The following ESCO1 variants were observed in gnomAD, a reference collection of about 807,000 sequenced individuals.
ESCO1 encodes the protein N-acetyltransferase ESCO1.
A neutral mutation model predicts 83.5 loss-of-function variants in ESCO1; 33 were observed. The observed-to-expected ratio is 0.40, with a 90% CI of 0.30 to 0.53. The LOEUF is 0.53. Ranked by LOEUF, ESCO1 falls within the 20% of genes least tolerant of loss-of-function variation. The probability of loss-of-function intolerance (pLI) is 0.63; values close to 1 mark genes in which losing one functional copy is unlikely to be tolerated. For synonymous variants in ESCO1, 332 were observed against 324.3 expected, an observed-to-expected ratio of 1.02 and a Z score of -0.25; for missense variants, 855 against 968.0, an observed-to-expected ratio of 0.88 and a Z score of 1.55.
At chr18:21,599,863 AC>A (rs1466214872) in intron 1 of ESCO1, among the ~76,000 whole-genome samples, 3 of 152,072 alleles carry the variant, frequency 2.0e-5, no homozygotes, top group Non-Finnish European at 4.4e-5. Context: ...TGCAAAATAA[AC>A]CCCCATAGTA....
chr18:21,587,998 AG>A (rs1438185962), intron 1 of ESCO1, among the ~76,000 whole-genome samples: 4 of 151,652 alleles, frequency 2.6e-5, no homozygotes, highest in Non-Finnish European at 5.9e-5. Flanking sequence ...CTCATGTGAG[AG>A]GATCACTTGA....
chr18:21,549,969 A>G (rs1024045306), intron 8 of ESCO1, among the ~76,000 whole-genome samples: 1 of 152,096 alleles, frequency 6.6e-6, no homozygotes, highest in African/African-American at 2.4e-5. Context: ...TCTCCAAAAA[A>G]AAAAAAAAGA....
intron 8 of ESCO1, chr18:21,540,491 G>C: frequency 9.3e-7 from 1 of 1,071,798 alleles, no homozygotes; most frequent in Non-Finnish European, 1.2e-6. Context: ...TTTGCATGCA[G>C]TAGCCCAGTA....
rs572555950 is a variant in ESCO1 at position 21,534,704 on chromosome 18, T to C, written c.2187+1338A>G. ...GTTCAGTGGCATGATATTAGCTCAC[T>C]GCAACCTCTGCCTCCCAGGTTCAAG... On this transcript the variant is annotated intron_variant, in intron 10 of 11. Transcript: ENST00000269214. Among the ~76,000 whole-genome samples the C allele has an allele frequency of 7.2e-4, 109 of 151,488 alleles. 1 individual carries two copies. Among genetic ancestry groups the C allele is most frequent in the African/African-American group, 2.4e-3 (98 of 41,266 alleles).
rs377280748 is a variant in ESCO1 at position 21,539,869 on chromosome 18, A to G, written c.2043+51T>C. 70 of 1,496,216 alleles carry G rather than the reference A, an allele frequency of 4.7e-5. No individual in the cohort carries two copies. In the African/African-American group the frequency reaches 8.9e-4, roughly 19 times the overall value. 92.7% of individuals were successfully genotyped at this position (1,496,216 alleles called of 1,614,324 possible). On this transcript the variant is annotated intron_variant, in intron 9 of 11. Transcript: ENST00000269214. Reference sequence around the variant, plus strand: ...TCTCAGGGTAAAAAAAAAAAAAATTAACTGCAAAATGATATTATCCACTCT... The same window carrying G: ...TCTCAGGGTAAAAAAAAAAAAAATTGACTGCAAAATGATATTATCCACTCT...
Position 21,529,418 on chromosome 18 carries a change from G to A in ESCO1, c.*925C>T, listed in dbSNP as rs1019475549. The A allele has an allele frequency of 2.6e-5, 4 of 152,310 alleles. No homozygotes were observed. The highest frequency in any genetic ancestry group is 1.9e-4 in the East Asian group (1 of 5,194). The allele number at this position is 152,310 out of a possible 1,614,324, so 9.4% of individuals were successfully genotyped here. On this transcript the variant is annotated 3_prime_UTR_variant, in exon 12 of 12. Transcript: ENST00000269214. ...CTTTAAAAGTAGAGGGCACTATGAA[G>A]GATAGACAAGTATCAAAATGAAGTC...
intron 5 of ESCO1, among the ~76,000 whole-genome samples, chr18:21,566,718 G>C (rs1193819789): frequency 6.6e-6 from 1 of 152,006 alleles, no homozygotes; most frequent in African/African-American, 2.4e-5. Context: ...AAATAAGCCG[G>C]GTGTGGTGAT....
At chr18:21,561,643 G>GTCTTGAAC (rs1213930755) in intron 7 of ESCO1, among the ~76,000 whole-genome samples, 1 of 152,148 alleles carries the variant, frequency 6.6e-6, no homozygotes, top group Non-Finnish European at 1.5e-5. Flanking sequence ...GACCAGGTTG[G>GTCTTGAAC]TCTTGAACTC....
intron 8 of ESCO1, among the ~76,000 whole-genome samples, chr18:21,543,422 T>A (rs1447832009): frequency 6.6e-6 from 1 of 152,176 alleles, no homozygotes; most frequent in Non-Finnish European, 1.5e-5. Flanking sequence ...CCTTCCAAAG[T>A]GTTGGGATTA....
intron 4 of ESCO1, among the ~76,000 whole-genome samples, chr18:21,569,042 C>G (rs907760624): frequency 6.6e-6 from 1 of 152,182 alleles, no homozygotes. Context: ...TAGTGCTGAT[C>G]CAGAATACCT....
intron 11 of ESCO1, 146 bp downstream of exon 11, chr18:21,532,322 ACAGAT>A (rs773031781): frequency 2.4e-4 from 173 of 706,692 alleles, no homozygotes; most frequent in Admixed American, 4.5e-4. Context: ...AAAAGTACTT[ACAGAT>A]CCAATACACT....
chr18:21,571,011 C>T (rs527626288), intron 4 of ESCO1, among the ~76,000 whole-genome samples: 1 of 151,854 alleles, frequency 6.6e-6, no homozygotes, highest in African/African-American at 2.4e-5. Flanking sequence ...TTCATCTACA[C>T]CTGTAATGTA....
rs553728190 is a variant in ESCO1 at position 21,539,885 on chromosome 18, T to C, written c.2043+35A>G. 48 of 1,548,914 alleles carry C rather than the reference T, an allele frequency of 3.1e-5. No homozygotes were observed. The East Asian group carries it at 1.0e-3, about 33-fold the overall frequency. On this transcript the variant is annotated intron_variant, in intron 9 of 11. Coordinates refer to ENST00000269214, the MANE Select transcript of ESCO1 (RefSeq NM_052911.3). ...AAAAAAATTAACTGCAAAATGATAT[T>C]ATCCACTCTACATGAAGTTTCACTG...
intron 4 of ESCO1, among the ~76,000 whole-genome samples, chr18:21,570,669 G>A (rs1028071653): frequency 1.1e-4 from 16 of 152,144 alleles, no homozygotes; most frequent in African/African-American, 3.4e-4. Context: ...AGGGAGATGG[G>A]TAAATGGAAT....
chr18:21,587,023 A>G (rs1004477654), intron 1 of ESCO1, among the ~76,000 whole-genome samples: 3 of 151,912 alleles, frequency 2.0e-5, no homozygotes, highest in Admixed American at 1.3e-4. Flanking sequence ...CCTTTATTCT[A>G]TCAACATGGT....
intron 10 of ESCO1, among the ~76,000 whole-genome samples, chr18:21,533,874 A>G (rs2037798761): frequency 6.6e-6 from 1 of 152,182 alleles, no homozygotes; most frequent in Non-Finnish European, 1.5e-5. Flanking sequence ...GCACTATATA[A>G]TAATTTCAGG....
intron 4 of ESCO1, among the ~76,000 whole-genome samples, chr18:21,570,775 G>A (rs2038329174): frequency 6.6e-6 from 1 of 151,932 alleles, no homozygotes; most frequent in Non-Finnish European, 1.5e-5. Flanking sequence ...TCAGGAGATC[G>A]AGACCATCCT....
chr18:21,574,040 T>G lies in ESCO1; in HGVS notation c.804A>C (p.Thr268=), dbSNP rs527553988. Residue 268 remains threonine (T), a synonymous_variant, in exon 4 of 12, where the codon ACA becomes ACC. Coordinates refer to ENST00000269214, the MANE Select transcript of ESCO1 (RefSeq NM_052911.3). ...GGAGTGTTGTGTTAGTATTCACTTG[T>G]GTATGAACCGACTTCTTCATCTCAT... ...KKNEMKKSVH[T]QVNTNTTLPK... is the part of the protein sequence containing the mutation. The G allele has an allele frequency of 1.2e-6, 2 of 1,613,106 alleles. No homozygotes were observed. Among genetic ancestry groups the G allele is most frequent in the Admixed American group, 3.3e-5 (2 of 60,012 alleles).
chr18:21,571,781 AG>A (rs2038344790), intron 4 of ESCO1, among the ~76,000 whole-genome samples: 1 of 152,200 alleles, frequency 6.6e-6, no homozygotes, highest in African/African-American at 2.4e-5. Context: ...CTCTGCACAA[AG>A]CCACAACTTA....
Sources: gnomAD v4.1 joint callset for allele counts (sites outside exome capture counted in the v4.1 genomes callset) on GRCh38, gnomAD v4.1.1 for gene constraint, MANE v1.5 for transcripts, NCBI Gene and HGNC (gene_info 2026-07-23, HGNC 2026-07-21) for gene names.